The following DNAAF1 variants were observed in gnomAD, a reference collection of about 807,000 sequenced individuals.
The protein encoded by DNAAF1 is dynein assembly factor 1, axonemal.
DNAAF1 carries 65 observed loss-of-function variants against 71.1 expected under a neutral mutation model. The observed-to-expected ratio is 0.91, with a 90% confidence interval of 0.75 to 1.12. DNAAF1 has a LOEUF of 1.12. Ranked by LOEUF, DNAAF1 falls within the 50% of genes most tolerant of loss-of-function variation. The pLI is 0.00. For synonymous variants in DNAAF1, 414 were observed against 354.6 expected, an observed-to-expected ratio of 1.17 and a Z score of -1.88; for missense variants, 1,178 against 899.8, an observed-to-expected ratio of 1.31 and a Z score of -3.96.
intron 1 of DNAAF1, among the ~76,000 whole-genome samples, chr16:84,148,719 C>G (rs746900859): frequency 6.6e-6 from 1 of 150,402 alleles, no homozygotes; most frequent in African/African-American, 2.5e-5. Flanking sequence ...CTGCCTCAGC[C>G]CCACAAGTAG....
chr16:84,177,695 A>T (rs1380354610), intron 11 of DNAAF1, 34 bp from the exon 12 acceptor site: 3 of 1,577,500 alleles, frequency 1.9e-6, no homozygotes, highest in East Asian at 2.2e-5. Flanking sequence ...TCACAGTGAC[A>T]GGGAGAAAGC....
intron 3 of DNAAF1, among the ~76,000 whole-genome samples, chr16:84,154,043 A>G (rs1415950675): frequency 1.3e-5 from 2 of 152,188 alleles, no homozygotes; most frequent in East Asian, 3.9e-4. Flanking sequence ...AGGCTGCCAG[A>G]GAGCCGTTGG....
rs1406553641 is a variant in DNAAF1 at position 84,145,390 on chromosome 16, C to A, written c.-51C>A. The A allele has an allele frequency of 6.4e-7, 1 of 1,560,916 alleles. No homozygotes were observed. Among genetic ancestry groups the A allele is most frequent in the Admixed American group, 1.9e-5 (1 of 51,700 alleles). ...GCTGGGGCCGTAGCGACGTCCGCCG[C>A]GAACCTGGGCCCCCCAAAGCTGCGG... On this transcript the variant is annotated 5_prime_UTR_variant, in exon 1 of 12. Coordinates refer to ENST00000378553, the MANE Select transcript of DNAAF1 (RefSeq NM_178452.6).
At chr16:84,175,885 T>A in intron 10 of DNAAF1, 48 bp from the exon 11 acceptor site, 1 of 1,606,958 alleles carries the variant, frequency 6.2e-7, no homozygotes, top group Non-Finnish European at 8.5e-7. Flanking sequence ...GTAGAGCGAT[T>A]CTGTTGTGAA....
chr16:84,146,266 T>C (rs2086900609), intron 1 of DNAAF1, among the ~76,000 whole-genome samples: 1 of 152,176 alleles, frequency 6.6e-6, no homozygotes, highest in Non-Finnish European at 1.5e-5. Context: ...AAAGGCTTTC[T>C]CTCCCTCCAG....
chr16:84,146,961 T>C (rs1206620911), intron 1 of DNAAF1, among the ~76,000 whole-genome samples: 1 of 152,190 alleles, frequency 6.6e-6, no homozygotes, highest in East Asian at 1.9e-4. Flanking sequence ...TGAGGAGCCA[T>C]AGGGAACTGG....
At chr16:84,156,189 C>T (rs1168388439) in intron 5 of DNAAF1, among the ~76,000 whole-genome samples, 1 of 152,148 alleles carries the variant, frequency 6.6e-6, no homozygotes, top group Non-Finnish European at 1.5e-5. Context: ...TCTTGAACTC[C>T]TGACCTTGAG....
At chr16:84,152,247 C>G (rs1470336232) in intron 3 of DNAAF1, among the ~76,000 whole-genome samples, 1 of 152,076 alleles carries the variant, frequency 6.6e-6, no homozygotes, top group Non-Finnish European at 1.5e-5. Flanking sequence ...AGAGCAAAGA[C>G]CAGGGAGAAA....
Position 84,154,617 on chromosome 16 carries a change from G to T in DNAAF1, c.393G>T (p.Leu131=), listed in dbSNP as rs569848695. 2.5e-5 allele frequency: 41 copies of T among 1,614,166 alleles called. No homozygotes were observed. The African/African-American group carries it at 4.5e-4, about 18-fold the overall frequency. Residue 131 remains leucine (L), a synonymous_variant, in exon 4 of 12, where the codon CTG becomes CTT. Coordinates refer to ENST00000378553, the MANE Select transcript of DNAAF1 (RefSeq NM_178452.6). ...RIENLEEYTG[L]RCLWLQSNGI... ...AGAACCTGGAAGAGTACACAGGGCT[G>T]CGCTGTCTCTGGCTGCAGAGCAATG...
intron 8 of DNAAF1, among the ~76,000 whole-genome samples, chr16:84,170,777 A>C (rs961278272): frequency 6.6e-6 from 1 of 152,172 alleles, no homozygotes; most frequent in African/African-American, 2.4e-5. Context: ...GGCTGCAGTG[A>C]GCCAAGATTG....
intron 7 of DNAAF1, among the ~76,000 whole-genome samples, chr16:84,168,555 G>C (rs537888231): frequency 2.0e-5 from 3 of 152,156 alleles, no homozygotes; most frequent in African/African-American, 7.2e-5. Context: ...TGGGATTACA[G>C]ACGTGAGCCA....
At chr16:84,169,139 C>T (rs927148180) in intron 7 of DNAAF1, among the ~76,000 whole-genome samples, 1 of 132,236 alleles carries the variant, frequency 7.6e-6, no homozygotes, top group Non-Finnish European at 1.5e-5. Flanking sequence ...GACTACAATG[C>T]GGTGACTCAC....
At chr16:84,151,669 C>T (rs1044704139) in intron 3 of DNAAF1, among the ~76,000 whole-genome samples, 3 of 152,124 alleles carry the variant, frequency 2.0e-5, no homozygotes, top group Non-Finnish European at 4.4e-5. Flanking sequence ...TTCTGAGGGC[C>T]GGGAACTCGG....
intron 7 of DNAAF1, among the ~76,000 whole-genome samples, chr16:84,169,255 A>G (rs1220607675): frequency 6.8e-6 from 1 of 146,118 alleles, no homozygotes; most frequent in Non-Finnish European, 1.5e-5. Context: ...ATTTTTTTGT[A>G]TTTTTTTTTC....
At chr16:84,147,825 G>T (rs1284991114) in intron 1 of DNAAF1, among the ~76,000 whole-genome samples, 1 of 152,074 alleles carries the variant, frequency 6.6e-6, no homozygotes, top group Admixed American at 6.5e-5. Context: ...CAGCACTTTG[G>T]AAGGCCAAGG....
intron 6 of DNAAF1, among the ~76,000 whole-genome samples, chr16:84,160,763 T>C (rs774348679): frequency 1.1e-4 from 16 of 150,988 alleles, no homozygotes; most frequent in Non-Finnish European, 1.8e-4. Flanking sequence ...TGAAACCGCG[T>C]CGCTACTAAA....
chr16:84,176,635 C>T (rs570961481), intron 11 of DNAAF1: 6 of 405,588 alleles, frequency 1.5e-5, no homozygotes, highest in South Asian at 1.3e-4. Flanking sequence ...CCCTCCTCAC[C>T]ATCCCTGGCC....
chr16:84,157,029 T>G (rs545074314), intron 5 of DNAAF1, among the ~76,000 whole-genome samples: 1 of 152,028 alleles, frequency 6.6e-6, no homozygotes, highest in Admixed American at 6.6e-5. Context: ...ATTTTTATAT[T>G]TTTTGTAGAG....
At chr16:84,164,751 A>AT (rs1472630131) in intron 6 of DNAAF1, among the ~76,000 whole-genome samples, 1 of 152,246 alleles carries the variant, frequency 6.6e-6, no homozygotes, top group Non-Finnish European at 1.5e-5. Context: ...GCGTGTGGAC[A>AT]TAAGTCTTCA....
Sources: allele counts gnomAD v4.1 joint callset (sites outside exome capture counted in the v4.1 genomes callset), GRCh38; gene constraint gnomAD v4.1.1; transcripts MANE v1.5; gene names NCBI Gene and HGNC (gene_info 2026-07-23, HGNC 2026-07-21).